Variants in UNC5C observed in about 807,000 individuals in gnomAD.
UNC5C encodes the protein unc-5 netrin receptor C, also known as netrin receptor UNC5C.
Under a neutral mutation model 99.8 loss-of-function variants are expected in UNC5C, and 47 were observed. That is an observed-to-expected ratio of 0.47 (90% confidence interval 0.37 to 0.60). The LOEUF is 0.60. Ranked by LOEUF, UNC5C falls within the 20% of genes least tolerant of loss-of-function variation. The pLI is 0.00. For synonymous variants in UNC5C, 487 were observed against 452.2 expected, an observed-to-expected ratio of 1.08 and a Z score of -0.98; for missense variants, 1,062 against 1,165.9, an observed-to-expected ratio of 0.91 and a Z score of 1.30.
At chr4:95,409,052 G>C (rs1314220525) in intron 1 of UNC5C, among the ~76,000 whole-genome samples, 2 of 152,140 alleles carry the variant, frequency 1.3e-5, no homozygotes, top group African/African-American at 2.4e-5. Context: ...AATAACAATT[G>C]ACTTATATTC....
intron 2 of UNC5C, among the ~76,000 whole-genome samples, chr4:95,333,527 C>T (rs574865542): frequency 7.1e-6 from 1 of 140,436 alleles, no homozygotes; most frequent in African/African-American, 2.7e-5. Context: ...ACAATGAGAA[C>T]ACATGGACAC....
chr4:95,229,063 T>C (rs960479049), intron 7 of UNC5C, among the ~76,000 whole-genome samples: 1 of 152,140 alleles, frequency 6.6e-6, no homozygotes, highest in African/African-American at 2.4e-5. Context: ...CCCTCAAAAA[T>C]GATGCCATGT....
intron 1 of UNC5C, among the ~76,000 whole-genome samples, chr4:95,417,015 A>G (rs1746183868): frequency 6.6e-6 from 1 of 152,198 alleles, no homozygotes; most frequent in African/African-American, 2.4e-5. Context: ...ATTCTATGAC[A>G]ATTCTCTTAC....
At chr4:95,510,576 GT>G (rs5860413) in intron 1 of UNC5C, among the ~76,000 whole-genome samples, 10,415 of 151,876 alleles carry the variant, frequency 0.069, 442 homozygotes, top group Non-Finnish European at 0.1. Flanking sequence ...TTTGAAAATG[GT>G]TTTAATACAT....
Position 95,183,008 on chromosome 4 carries a change from G to C in UNC5C, c.2340C>G (p.Thr780=), listed in dbSNP as rs1267824171. ...WSGSQRNLHC[T]FTLERFSLNT... ...TCAGGCTAAATCTTTCCAGAGTGAA[G>C]GTGCAGTGCAGGTTTCTTTGAGATC... is the stretch of plus-strand genomic sequence containing the variant. The change falls in exon 14 of 16, where the codon ACC becomes ACG. Residue 780 remains threonine (T), a synonymous_variant. Coordinates refer to ENST00000453304, the MANE Select transcript of UNC5C (RefSeq NM_003728.4). 4 of 1,612,756 alleles carry C rather than the reference G, an allele frequency of 2.5e-6. No individual in the cohort carries two copies. Among genetic ancestry groups the C allele is most frequent in the Non-Finnish European group, 3.4e-6 (4 of 1,179,014 alleles).
chr4:95,174,549 G>T (rs1237668682), intron 14 of UNC5C, among the ~76,000 whole-genome samples: 1 of 151,998 alleles, frequency 6.6e-6, no homozygotes, highest in Admixed American at 6.6e-5. Context: ...GTAGTTGAGC[G>T]GTTTTGAGTG....
chr4:95,467,735 A>G (rs1352683243), intron 1 of UNC5C, among the ~76,000 whole-genome samples: 1 of 152,194 alleles, frequency 6.6e-6, no homozygotes, highest in Non-Finnish European at 1.5e-5. Context: ...AAATCTGAGA[A>G]TAAATTTTCA....
Position 95,340,559 on chromosome 4 carries a change from T to C in UNC5C, c.125-4928A>G, listed in dbSNP as rs576600396. The stretch of plus-strand genomic sequence containing the variant: ...AGACTATGGTCTATATTTCAAGCAA[T>C]ATATTAATGGATTCATCATTTAAAT... On this transcript the variant is annotated intron_variant, in intron 1 of 15. Coordinates refer to ENST00000453304, the MANE Select transcript of UNC5C (RefSeq NM_003728.4). 3.3e-5 allele frequency among the ~76,000 whole-genome samples: 5 copies of C among 152,286 alleles called. No homozygotes were observed. The South Asian group carries it at 1.0e-3, about 32-fold the overall frequency.
chr4:95,447,347 G>A (rs1232899708), intron 1 of UNC5C, among the ~76,000 whole-genome samples: 3 of 152,114 alleles, frequency 2.0e-5, no homozygotes, highest in Non-Finnish European at 4.4e-5. Context: ...CTATTTACAT[G>A]TTTTAAGCTT....
intron 1 of UNC5C, among the ~76,000 whole-genome samples, chr4:95,473,297 G>A (rs1356695052): frequency 6.6e-6 from 1 of 152,082 alleles, no homozygotes; most frequent in Non-Finnish European, 1.5e-5. Context: ...AATAGCTTAA[G>A]ATTTCTGCCA....
At chr4:95,256,430 T>C (rs1189165416) in intron 4 of UNC5C, among the ~76,000 whole-genome samples, 1 of 151,988 alleles carries the variant, frequency 6.6e-6, no homozygotes, top group Non-Finnish European at 1.5e-5. Context: ...GTTGACCACT[T>C]TTTTCCTCTT....
intron 1 of UNC5C, among the ~76,000 whole-genome samples, chr4:95,472,118 G>A (rs1046454009): frequency 8.5e-5 from 13 of 152,054 alleles, no homozygotes; most frequent in African/African-American, 3.1e-4. Flanking sequence ...TATCAAACAA[G>A]ATATTAAAGA....
At chr4:95,436,185 G>GA (rs138789682) in intron 1 of UNC5C, among the ~76,000 whole-genome samples, 22 of 147,964 alleles carry the variant, frequency 1.5e-4, no homozygotes, top group South Asian at 6.4e-4. Flanking sequence ...TTTATCTGAT[G>GA]AAAAAAAAAA....
At chr4:95,274,462 G>A (rs1277742260) in intron 4 of UNC5C, among the ~76,000 whole-genome samples, 1 of 152,152 alleles carries the variant, frequency 6.6e-6, no homozygotes, top group Non-Finnish European at 1.5e-5. Context: ...AACAGACGAA[G>A]GAGCAGGCAA....
intron 1 of UNC5C, among the ~76,000 whole-genome samples, chr4:95,479,222 T>C (rs1721060391): frequency 6.6e-6 from 1 of 152,020 alleles, no homozygotes; most frequent in South Asian, 2.1e-4. Flanking sequence ...ATTTTCATTG[T>C]CCAGATTTGT....
chr4:95,316,234 C>T (rs1451724268), intron 2 of UNC5C, among the ~76,000 whole-genome samples: 2 of 152,134 alleles, frequency 1.3e-5, no homozygotes, highest in Non-Finnish European at 2.9e-5. Context: ...GTTTATTACT[C>T]TTAAATGGGT....
At chr4:95,344,838 T>C (rs959028241) in intron 1 of UNC5C, among the ~76,000 whole-genome samples, 5 of 151,534 alleles carry the variant, frequency 3.3e-5, no homozygotes, top group Non-Finnish European at 7.4e-5. Context: ...TCAGAAAACA[T>C]ACACAAAATA....
chr4:95,322,379 C>T (rs774711426), intron 2 of UNC5C, among the ~76,000 whole-genome samples: 13 of 152,252 alleles, frequency 8.5e-5, no homozygotes, highest in Non-Finnish European at 1.0e-4. Context: ...TTCAGTTCCA[C>T]AAATTTAGTA....
chr4:95,275,431 C>T (rs1352181970), intron 4 of UNC5C, among the ~76,000 whole-genome samples: 1 of 152,200 alleles, frequency 6.6e-6, no homozygotes, highest in Admixed American at 6.5e-5. Flanking sequence ...CTCACAACCA[C>T]ATTCTGCAAA....
Sources: allele counts gnomAD v4.1 joint callset (sites outside exome capture counted in the v4.1 genomes callset), GRCh38; gene constraint gnomAD v4.1.1; transcripts MANE v1.5; gene names NCBI Gene and HGNC (gene_info 2026-07-23, HGNC 2026-07-21).